The following RPS6KC1 variants were observed in gnomAD, a reference collection of about 807,000 sequenced individuals.
RPS6KC1 encodes inactive ribosomal protein S6 kinase delta-1.
RPS6KC1 carries 54 observed loss-of-function variants against 103.8 expected under a neutral mutation model. The observed-to-expected ratio is 0.52, with a 90% confidence interval of 0.42 to 0.65. The LOEUF is 0.65. Ranked by LOEUF, RPS6KC1 falls within the 30% of genes least tolerant of loss-of-function variation. RPS6KC1 has a pLI of 0.00. For missense variants in RPS6KC1, 1,151 were observed against 1,253.8 expected (o/e 0.92, Z 1.24); for synonymous variants, 439 against 438.7 (o/e 1.00, Z -0.01).
the RPS6KC1 span, among the ~76,000 whole-genome samples, chr1:213,780,052 G>A: frequency 6.6e-6 from 1 of 152,048 alleles, no homozygotes; most frequent in African/African-American, 2.4e-5. Context: ...GTCAAAAGAA[G>A]TAAAACATTT....
At chr1:213,134,900 A>G (rs2086099711) in intron 6 of RPS6KC1, among the ~76,000 whole-genome samples, 1 of 152,086 alleles carries the variant, frequency 6.6e-6, no homozygotes, top group African/African-American at 2.4e-5. Flanking sequence ...TTCCTTTTCA[A>G]TTTGGATGGC....
At chr1:213,292,496 C>T in the RPS6KC1 span, among the ~76,000 whole-genome samples, 1 of 152,094 alleles carries the variant, frequency 6.6e-6, no homozygotes, top group African/African-American at 2.4e-5. Flanking sequence ...ATCTGGGCCC[C>T]GTTGCTTCAA....
At chr1:213,338,738 T>C in the RPS6KC1 span, among the ~76,000 whole-genome samples, 1 of 151,808 alleles carries the variant, frequency 6.6e-6, no homozygotes, top group Non-Finnish European at 1.5e-5. Flanking sequence ...GTAGAAGTGA[T>C]GTGCAAGTTC....
the RPS6KC1 span, among the ~76,000 whole-genome samples, chr1:213,603,263 G>A: frequency 2.0e-5 from 3 of 152,216 alleles, no homozygotes; most frequent in African/African-American, 7.2e-5. Context: ...TAGTTCAGAG[G>A]TTGCTGTCCT....
At chr1:213,059,498 G>A (rs1558235280) in intron 1 of RPS6KC1, among the ~76,000 whole-genome samples, 1 of 151,932 alleles carries the variant, frequency 6.6e-6, no homozygotes, top group Non-Finnish European at 1.5e-5. Flanking sequence ...TGTATGGGAG[G>A]CTGCATGTTT....
chr1:213,417,002 A>G, the RPS6KC1 span, among the ~76,000 whole-genome samples: 2 of 152,184 alleles, frequency 1.3e-5, no homozygotes, highest in African/African-American at 2.4e-5. Flanking sequence ...GGCCCTGTGC[A>G]CTTTGGGGCA....
intron 10 of RPS6KC1, among the ~76,000 whole-genome samples, chr1:213,239,241 G>A (rs1405575854): frequency 1.3e-5 from 2 of 152,112 alleles, no homozygotes; most frequent in African/African-American, 2.4e-5. Context: ...GGGTGACTGA[G>A]GCAGGAGGAT....
the RPS6KC1 span, among the ~76,000 whole-genome samples, chr1:213,338,617 G>A: frequency 2.8e-4 from 43 of 152,106 alleles, no homozygotes; most frequent in African/African-American, 1.0e-3. Flanking sequence ...AACGTGATGT[G>A]GTACATTGGG....
chr1:213,543,499 G>A, the RPS6KC1 span, among the ~76,000 whole-genome samples: 3 of 152,190 alleles, frequency 2.0e-5, no homozygotes, highest in East Asian at 3.9e-4. Context: ...CAGGGAGGAA[G>A]TATTCAGATT....
the RPS6KC1 span, among the ~76,000 whole-genome samples, chr1:213,580,228 T>C: frequency 6.6e-6 from 1 of 152,030 alleles, no homozygotes; most frequent in African/African-American, 2.4e-5. Flanking sequence ...ATTCCAACAC[T>C]CACGATGACT....
chr1:213,846,753 T>A, the RPS6KC1 span, among the ~76,000 whole-genome samples: 2 of 152,014 alleles, frequency 1.3e-5, no homozygotes, highest in African/African-American at 2.4e-5. Flanking sequence ...AAGGGTAGGG[T>A]GTGAAGGGAA....
the RPS6KC1 span, among the ~76,000 whole-genome samples, chr1:213,649,330 G>A: frequency 2.0e-5 from 3 of 149,486 alleles, no homozygotes; most frequent in African/African-American, 2.5e-5. Context: ...TCCCATTGGC[G>A]GACAATTCCC....
At chr1:213,343,440 T>TATATATATATATACAC in the RPS6KC1 span, among the ~76,000 whole-genome samples, 148 of 80,380 alleles carry the variant, frequency 1.8e-3, 40 homozygotes, top group South Asian at 3.3e-3. Flanking sequence ...TATATATATA[T>TATATATATATATACAC]ACATACCATG....
chr1:213,659,999 C>A, the RPS6KC1 span, among the ~76,000 whole-genome samples: 2 of 152,134 alleles, frequency 1.3e-5, no homozygotes. Flanking sequence ...ATGGGAAATT[C>A]ACTTTATACC....
chr1:213,142,226 A>G (rs2087144624), intron 6 of RPS6KC1, among the ~76,000 whole-genome samples: 1 of 152,016 alleles, frequency 6.6e-6, no homozygotes, highest in Non-Finnish European at 1.5e-5. Context: ...TTTGCTTGAC[A>G]GATCTTTCTT....
intron 1 of RPS6KC1, among the ~76,000 whole-genome samples, chr1:213,053,867 C>T (rs574529266): frequency 9.3e-5 from 14 of 150,664 alleles, no homozygotes; most frequent in African/African-American, 1.7e-4. Flanking sequence ...GGCGTAGTCT[C>T]GCTCTCTTGC....
chr1:213,371,606 G>GGTT, the RPS6KC1 span, among the ~76,000 whole-genome samples: 4 of 152,160 alleles, frequency 2.6e-5, no homozygotes, highest in Admixed American at 1.3e-4. Context: ...GTTACTTTCT[G>GGTT]GTTGTTGTTG....
chr1:213,171,636 G>T (rs2091485875), intron 7 of RPS6KC1, among the ~76,000 whole-genome samples: 1 of 152,138 alleles, frequency 6.6e-6, no homozygotes, highest in Non-Finnish European at 1.5e-5. Flanking sequence ...TGTAGATTTT[G>T]AGTACAACTG....
chr1:213,734,602 A>G, the RPS6KC1 span, among the ~76,000 whole-genome samples: 122,588 of 152,212 alleles, frequency 0.81, 49,830 homozygotes, highest in Middle Eastern at 0.93. Flanking sequence ...ATGCAGCTGT[A>G]TGAAAACACC....
Sources: gnomAD v4.1 joint callset for allele counts (sites outside exome capture counted in the v4.1 genomes callset) on GRCh38, gnomAD v4.1.1 for gene constraint, MANE v1.5 for transcripts, NCBI Gene and HGNC (gene_info 2026-07-23, HGNC 2026-07-21) for gene names.